SLCO1B3: variants seen among roughly 807,000 people sequenced by gnomAD.
SLCO1B3 encodes solute carrier organic anion transporter family member 1B3.
A neutral mutation model predicts 71.8 loss-of-function variants in SLCO1B3; 72 were observed. The observed-to-expected ratio is 1.00, with a 90% CI of 0.83 to 1.22. The LOEUF is 1.22. SLCO1B3 is among the 50% of genes most tolerant of loss of function. The pLI is 0.00. For missense variants in SLCO1B3, 911 were observed against 819.7 expected (o/e 1.11, Z -1.36); for synonymous variants, 298 against 278.4 (o/e 1.07, Z -0.70).
intron 15 of SLCO1B3, among the ~76,000 whole-genome samples, chr12:20,912,263 A>G (rs977219210): frequency 1.3e-5 from 2 of 150,962 alleles, no homozygotes; most frequent in African/African-American, 4.8e-5. Context: ...ATATTACATG[A>G]TTTTCATTCT....
chr12:20,862,331 A>G, intron 6 of SLCO1B3, 81 bp from the exon 7 acceptor site: 3 of 1,415,982 alleles, frequency 2.1e-6, no homozygotes, highest in African/African-American at 2.9e-5. Flanking sequence ...AAATGGAAAA[A>G]TGAAGGATTT....
chr12:20,858,556 A>G lies in SLCO1B3; in HGVS notation c.344A>G (p.His115Arg). The change falls in exon 5 of 16, where the codon CAT becomes CGT. Residue 115 changes from histidine to arginine, a missense_variant. By Grantham distance (29) the His-to-Arg change is conservative. Coordinates refer to ENST00000381545, the MANE Select transcript of SLCO1B3 (RefSeq NM_019844.4). Reference sequence around the variant, plus strand: ...GGAAGTATTTTGACATCTTTACCACATTTCTTCATGGGATAGTAAGTGTTA... The same window carrying G: ...GGAAGTATTTTGACATCTTTACCACGTTTCTTCATGGGATAGTAAGTGTTA... ...GTGSILTSLP[H>R]FFMGYYRYSK... 1 of 1,606,576 alleles carries G rather than the reference A, an allele frequency of 6.2e-7. No homozygotes were observed. Among genetic ancestry groups the G allele is most frequent in the Non-Finnish European group, 8.5e-7 (1 of 1,173,568 alleles).
At chr12:20,856,754 T>A (rs1865148361) in intron 4 of SLCO1B3, among the ~76,000 whole-genome samples, 1 of 152,104 alleles carries the variant, frequency 6.6e-6, no homozygotes, top group Non-Finnish European at 1.5e-5. Flanking sequence ...GGAGACAGGT[T>A]TTCACCATTT....
rs376856801 is a variant in SLCO1B3 at position 20,870,925 on chromosome 12, T to A, written c.728-4310T>A. Among the ~76,000 whole-genome samples, 847 of 152,306 alleles carry A rather than the reference T, an allele frequency of 5.6e-3. 4 individuals carry two copies. The highest frequency in any genetic ancestry group is 0.01 in the Non-Finnish European group (700 of 68,002). ...TGTTGAATTTTATCAAGTGCTTTTT[T>A]AGCATCAATTGAAATGATCATATGA... is the stretch of plus-strand genomic sequence containing the variant. On this transcript the variant is annotated intron_variant, in intron 8 of 15. Transcript: ENST00000381545.
chr12:20,828,517 C>T (rs963566525), intron 3 of SLCO1B3, among the ~76,000 whole-genome samples: 7 of 151,860 alleles, frequency 4.6e-5, no homozygotes, highest in Non-Finnish European at 7.4e-5. Context: ...GAAGGAAAGA[C>T]ATGTAGAAGT....
chr12:20,821,452 G>A (rs1419411692), intron 3 of SLCO1B3, among the ~76,000 whole-genome samples: 1 of 151,968 alleles, frequency 6.6e-6, no homozygotes, highest in Admixed American at 6.6e-5. Context: ...AATGGAAGGT[G>A]GAAGCTAGTC....
chr12:20,870,208 A>T (rs1190331050), intron 8 of SLCO1B3, among the ~76,000 whole-genome samples: 1 of 152,020 alleles, frequency 6.6e-6, no homozygotes, highest in African/African-American at 2.4e-5. Context: ...GAGTTGTAGG[A>T]ATTTTTTGTA....
At chr12:20,821,139 G>A (rs1226516450) in intron 3 of SLCO1B3, among the ~76,000 whole-genome samples, 1 of 152,060 alleles carries the variant, frequency 6.6e-6, no homozygotes, top group Non-Finnish European at 1.5e-5. Flanking sequence ...ACAGGCGGGA[G>A]GGAAAGAAGG....
chr12:20,828,302 TAA>T (rs33953453), intron 3 of SLCO1B3, among the ~76,000 whole-genome samples: 111,266 of 140,692 alleles, frequency 0.79, 44,057 homozygotes, highest in East Asian at 0.98. Context: ...ACTATTTTAG[TAA>T]AAAAAAAAAA....
chr12:20,895,253 C>A (rs762457822), intron 13 of SLCO1B3, among the ~76,000 whole-genome samples: 21 of 152,164 alleles, frequency 1.4e-4, no homozygotes, highest in Non-Finnish European at 2.4e-4. Context: ...AACAGTCCCC[C>A]AGAATCTTAA....
At chr12:20,826,725 AT>A (rs1864431554) in intron 3 of SLCO1B3, among the ~76,000 whole-genome samples, 1 of 151,812 alleles carries the variant, frequency 6.6e-6, no homozygotes, top group Non-Finnish European at 1.5e-5. Context: ...ATATAAAATT[AT>A]TTTCCCTTCA....
intron 15 of SLCO1B3, among the ~76,000 whole-genome samples, chr12:20,908,763 C>T (rs182056251): frequency 9.2e-5 from 14 of 152,248 alleles, no homozygotes; most frequent in Admixed American, 5.9e-4. Flanking sequence ...TCTCAATACA[C>T]CATAGTTTAT....
intron 3 of SLCO1B3, among the ~76,000 whole-genome samples, chr12:20,821,472 G>T (rs1864305148): frequency 6.6e-6 from 1 of 152,114 alleles, no homozygotes; most frequent in Non-Finnish European, 1.5e-5. Flanking sequence ...CCATAGTGAA[G>T]GAGGCAAGCC....
chr12:20,856,975 G>A (rs1865153506), intron 4 of SLCO1B3, among the ~76,000 whole-genome samples: 1 of 151,900 alleles, frequency 6.6e-6, no homozygotes, highest in African/African-American at 2.4e-5. Flanking sequence ...TTTTTTTTTA[G>A]GAAGAATTGA....
chr12:20,877,897 C>T lies in SLCO1B3; in HGVS notation c.1096C>T (p.Gln366Ter). Residue 366 changes from glutamine (Q) to a stop codon, truncating the protein, a stop_gained, in exon 10 of 16, where the codon CAG becomes TAG. Transcript: ENST00000381545. LOFTEE classifies it high-confidence loss of function. ...FTYVFKYMEQQYGQSASHANF... is the reference protein window; with the variant it reads ...FTYVFKYMEQ ...TTACGTCTTTAAATATATGGAGCAA[C>T]AGTACGGTCAGTCTGCATCTCATGC... 2 of 1,590,452 alleles carry T rather than the reference C, an allele frequency of 1.3e-6. No homozygotes were observed. Among genetic ancestry groups the T allele is most frequent in the Non-Finnish European group, 1.7e-6 (2 of 1,171,110 alleles).
At chr12:20,840,584 G>C (rs1195253343) in intron 3 of SLCO1B3, among the ~76,000 whole-genome samples, 1 of 151,762 alleles carries the variant, frequency 6.6e-6, no homozygotes, top group African/African-American at 2.4e-5. Context: ...GTAGAGACGG[G>C]GTTTCACCAT....
chr12:20,817,596 A>AT (rs1160014514), intron 3 of SLCO1B3, among the ~76,000 whole-genome samples: 2 of 150,924 alleles, frequency 1.3e-5, no homozygotes, highest in African/African-American at 2.4e-5. Context: ...CTATAGTATA[A>AT]TTTTTTTTTG....
In SLCO1B3 at chr12:20,849,711, T is replaced by TCACACACACACACA. The variant is rs146186543; in HGVS notation, c.85-5296_85-5283dup. On this transcript the variant is annotated intron_variant, in intron 3 of 15. Transcript: ENST00000381545. Reference sequence around the variant, plus strand: ...TAAAGAAAAATTACATAGTAGAAAATCACACACACACACACACACACACAC... The same window carrying TCACACACACACACA: ...TAAAGAAAAATTACATAGTAGAAAATCACACACACACACACACACACACACACACACACACACAC... Among the ~76,000 whole-genome samples, 49 of 126,352 alleles carry TCACACACACACACA rather than the reference T, an allele frequency of 3.9e-4. No individual in the cohort carries two copies. In the East Asian group the frequency reaches 6.9e-3, roughly 18 times the overall value. 82.9% of individuals were successfully genotyped at this position (126,352 alleles called of 152,430 possible). A position where few individuals can be genotyped will look rare whatever the true frequency, so the allele number is the denominator to read the frequency against.
At chr12:20,864,190 G>A (rs1439380903) in intron 8 of SLCO1B3, among the ~76,000 whole-genome samples, 1 of 151,982 alleles carries the variant, frequency 6.6e-6, no homozygotes, top group Admixed American at 6.6e-5. Context: ...CTTTTCTCAT[G>A]TAACCCTTAC....
Sources: allele counts gnomAD v4.1 joint callset (sites outside exome capture counted in the v4.1 genomes callset), GRCh38; gene constraint gnomAD v4.1.1; transcripts MANE v1.5; gene names NCBI Gene and HGNC (gene_info 2026-07-23, HGNC 2026-07-21).